LRRFIP2: variants seen among roughly 807,000 people sequenced by gnomAD.
LRRFIP2 encodes leucine-rich repeat flightless-interacting protein 2.
In LRRFIP2, 109 loss-of-function variants were observed where a neutral mutation model predicts 125.9. The ratio of observed to expected loss-of-function variants is 0.87; its 90% CI spans 0.74 to 1.01. The LOEUF (loss-of-function observed/expected upper bound fraction) is 1.01, where lower values mean the gene tolerates loss of function less well. LRRFIP2 is among the 50% of genes least tolerant of loss of function. The pLI is 0.00. For synonymous variants in LRRFIP2, 291 were observed against 293.1 expected (o/e 0.99, Z 0.07); for missense variants, 850 against 862.3 (o/e 0.99, Z 0.18).
At chr3:37,088,936 G>T (rs2093267046) in intron 18 of LRRFIP2, among the ~76,000 whole-genome samples, 1 of 152,036 alleles carries the variant, frequency 6.6e-6, no homozygotes, top group Non-Finnish European at 1.5e-5. Context: ...GCCCTCCAGA[G>T]GCACAAGTGC....
chr3:37,103,267 T>C (rs1161177221), intron 14 of LRRFIP2, among the ~76,000 whole-genome samples: 1 of 152,142 alleles, frequency 6.6e-6, no homozygotes, highest in Admixed American at 6.5e-5. Flanking sequence ...ACAGAGAACA[T>C]TTACTTCCTG....
intron 1 of LRRFIP2, among the ~76,000 whole-genome samples, chr3:37,173,574 T>C (rs2096615447): frequency 6.6e-6 from 1 of 152,194 alleles, no homozygotes; most frequent in Non-Finnish European, 1.5e-5. Flanking sequence ...AGCAACTACC[T>C]AAAAGGAAAA....
intron 19 of LRRFIP2, among the ~76,000 whole-genome samples, chr3:37,080,007 A>G (rs1330967843): frequency 6.6e-6 from 1 of 152,190 alleles, no homozygotes; most frequent in African/African-American, 2.4e-5. Flanking sequence ...GATGAAGGTT[A>G]CACATATATG....
intron 6 of LRRFIP2, among the ~76,000 whole-genome samples, chr3:37,120,918 A>C (rs1437543126): frequency 6.6e-6 from 1 of 152,186 alleles, no homozygotes; most frequent in East Asian, 1.9e-4. Context: ...TCTTGGCATA[A>C]TACAAGGGTT....
chr3:37,064,064 A>G, intron 23 of LRRFIP2: 1 of 392,376 alleles, frequency 2.5e-6, no homozygotes, highest in South Asian at 3.4e-5. Flanking sequence ...AAACAGAAGT[A>G]CAAAGGAGGT....
chr3:37,063,149 T>C (rs1414266593), intron 24 of LRRFIP2, among the ~76,000 whole-genome samples: 3 of 152,188 alleles, frequency 2.0e-5, no homozygotes, highest in East Asian at 1.9e-4. Context: ...ACATTAACTT[T>C]AGAGGAAACT....
intron 1 of LRRFIP2, among the ~76,000 whole-genome samples, chr3:37,169,860 C>T (rs1001324588): frequency 1.3e-5 from 2 of 152,070 alleles, no homozygotes; most frequent in South Asian, 4.1e-4. Flanking sequence ...TGTTTATATT[C>T]CACCTCTGAG....
intron 2 of LRRFIP2, among the ~76,000 whole-genome samples, chr3:37,136,557 G>C (rs148242584): frequency 6.6e-6 from 1 of 152,112 alleles, no homozygotes; most frequent in African/African-American, 2.4e-5. Context: ...TATAAAATGG[G>C]ATAAAGGGGA....
chr3:37,062,453 T>A (rs1407845153), intron 24 of LRRFIP2, among the ~76,000 whole-genome samples: 1 of 152,032 alleles, frequency 6.6e-6, no homozygotes, highest in Non-Finnish European at 1.5e-5. Context: ...TTCCCAGAAC[T>A]AAAGGATGGG....
At chr3:37,151,132 G>A (rs951592349) in intron 1 of LRRFIP2, among the ~76,000 whole-genome samples, 1 of 152,196 alleles carries the variant, frequency 6.6e-6, no homozygotes, top group Non-Finnish European at 1.5e-5. Flanking sequence ...GCCAAGGCGG[G>A]CAAATCACAG....
intron 2 of LRRFIP2, among the ~76,000 whole-genome samples, chr3:37,134,252 A>T (rs2095501775): frequency 6.6e-6 from 1 of 152,098 alleles, no homozygotes; most frequent in African/African-American, 2.4e-5. Context: ...ATTAGGTTGT[A>T]TTTAAACTCA....
intron 25 of LRRFIP2, among the ~76,000 whole-genome samples, chr3:37,055,418 T>C (rs918343496): frequency 6.6e-6 from 1 of 151,974 alleles, no homozygotes; most frequent in Admixed American, 6.6e-5. Flanking sequence ...ATATAAAAAT[T>C]AGCTGGGCGT....
chr3:37,122,628 C>CT (rs1307773410), intron 4 of LRRFIP2, among the ~76,000 whole-genome samples: 3 of 151,978 alleles, frequency 2.0e-5, no homozygotes, highest in Non-Finnish European at 2.9e-5. Context: ...TTTCACCACT[C>CT]TAAGAACTAA....
intron 1 of LRRFIP2, among the ~76,000 whole-genome samples, chr3:37,171,896 T>C (rs2096591172): frequency 6.6e-6 from 1 of 152,218 alleles, no homozygotes; most frequent in African/African-American, 2.4e-5. Flanking sequence ...AATGCTTCTA[T>C]ATGACAGTAC....
intron 2 of LRRFIP2, among the ~76,000 whole-genome samples, chr3:37,144,821 A>G (rs951427054): frequency 6.6e-6 from 1 of 152,226 alleles, no homozygotes; most frequent in Admixed American, 6.5e-5. Context: ...TGGCATGGAC[A>G]AAAGAGAGAT....
intron 6 of LRRFIP2, 78 bp from the exon 7 acceptor site, chr3:37,115,173 G>C (rs1016005194): frequency 3.1e-5 from 31 of 1,001,542 alleles, no homozygotes; most frequent in Non-Finnish European, 4.4e-5. Flanking sequence ...AATATTTGAG[G>C]TTATTTTAAA....
intron 3 of LRRFIP2, among the ~76,000 whole-genome samples, chr3:37,128,374 A>G (rs947229783): frequency 3.9e-5 from 6 of 152,176 alleles, no homozygotes; most frequent in Non-Finnish European, 5.9e-5. Context: ...AAGTAAAAGC[A>G]TATTTATTTC....
intron 14 of LRRFIP2, among the ~76,000 whole-genome samples, 177 bp downstream of exon 14, chr3:37,105,278 C>T (rs2094261711): frequency 6.6e-6 from 1 of 152,106 alleles, no homozygotes; most frequent in Non-Finnish European, 1.5e-5. Context: ...GCTTGCACAG[C>T]CCACAGAGAA....
At position 37,053,819 on chromosome 3, in the gene LRRFIP2, A is replaced by G. The variant is rs750213203; in HGVS notation, c.*32T>C. 2.1e-6 allele frequency: 3 copies of G among 1,446,944 alleles called. No homozygotes were observed. The highest frequency in any genetic ancestry group is 2.8e-5 in the African/African-American group (2 of 71,658). 89.6% of individuals were successfully genotyped at this position (1,446,944 alleles called of 1,614,324 possible). On this transcript the variant is annotated 3_prime_UTR_variant, in exon 28 of 28. Coordinates refer to ENST00000336686, the MANE Select transcript of LRRFIP2 (RefSeq NM_006309.4). ...GTCAGTCCCTCTAGGTAGGGCCCCA[A>G]GGAGCATCACCCAGGTTGAAGGGTG...
Sources: gnomAD v4.1 joint callset for allele counts (sites outside exome capture counted in the v4.1 genomes callset) on GRCh38, gnomAD v4.1.1 for gene constraint, MANE v1.5 for transcripts, NCBI Gene and HGNC (gene_info 2026-07-23, HGNC 2026-07-21) for gene names.